PRDM10: variants seen among roughly 807,000 people sequenced by gnomAD.
PRDM10 encodes PR domain zinc finger protein 10.
Under a neutral mutation model 133.1 loss-of-function variants are expected in PRDM10, and 65 were observed. The ratio of observed to expected loss-of-function variants is 0.49; its 90% CI spans 0.40 to 0.60. PRDM10 has a LOEUF of 0.60. Ranked by LOEUF, PRDM10 falls within the 20% of genes least tolerant of loss-of-function variation. The pLI, the probability that PRDM10 is intolerant of heterozygous loss-of-function variation, is 0.00. For synonymous variants in PRDM10, 582 were observed against 580.4 expected (o/e 1.00, Z -0.04); for missense variants, 1,137 against 1,507.1 (o/e 0.75, Z 4.07).
intron 20 of PRDM10, 140 bp downstream of exon 20, chr11:129,905,498 C>T: frequency 1.4e-6 from 1 of 705,552 alleles, no homozygotes; most frequent in Non-Finnish European, 2.5e-6. Context: ...TGATAATGCC[C>T]AAGACCTAGC....
At chr11:129,948,480 T>C (rs1951491821) in intron 4 of PRDM10, among the ~76,000 whole-genome samples, 1 of 152,210 alleles carries the variant, frequency 6.6e-6, no homozygotes, top group South Asian at 2.1e-4. Context: ...TCCTCTGCTC[T>C]GAACTCCTGC....
intron 9 of PRDM10, among the ~76,000 whole-genome samples, chr11:129,933,822 C>T (rs150750308): frequency 1.3e-3 from 195 of 152,236 alleles, no homozygotes; most frequent in East Asian, 7.5e-3. Flanking sequence ...AGACATTTAC[C>T]CCTGTGGTCA....
chr11:129,948,395 C>T (rs1951489283), intron 4 of PRDM10, among the ~76,000 whole-genome samples: 1 of 152,194 alleles, frequency 6.6e-6, no homozygotes, highest in African/African-American at 2.4e-5. Flanking sequence ...ACTCTTTCCT[C>T]AGCCACCTTC....
Position 129,918,726 on chromosome 11 carries a change from G to A in PRDM10, c.2035-8C>T, listed in dbSNP as rs1403148360. The A allele has an allele frequency of 8.1e-6, 13 of 1,600,058 alleles. No individual in the cohort carries two copies. In the East Asian group the frequency reaches 2.7e-4, roughly 33 times the overall value. On this transcript the variant is annotated splice_polypyrimidine_tract_variant and splice_region_variant and intron_variant, in intron 13 of 20. Transcript: ENST00000360871. This position sits in a 1 kb window ranked among gnomAD's most constrained non-coding sequence, Gnocchi z 5.3. ...CCGTAGTTTGTCTTTTCGCTATTTG[G>A]AGAGTATTTTTGAAAACGGGGTAGA...
chr11:129,998,855 TCTGGTTGCCCAGG>T (rs1454372982), intron 1 of PRDM10, among the ~76,000 whole-genome samples: 2 of 147,294 alleles, frequency 1.4e-5, no homozygotes, highest in Non-Finnish European at 3.0e-5. Flanking sequence ...AGGGTCTCAC[TCTGGTTGCCCAGG>T]CTGGAGTGCA....
chr11:129,989,777 G>C (rs759029725), intron 1 of PRDM10, among the ~76,000 whole-genome samples: 2 of 152,126 alleles, frequency 1.3e-5, no homozygotes, highest in African/African-American at 2.4e-5. Context: ...AATCATTCTA[G>C]AGCATAATTT....
rs181853630 is a variant in PRDM10 at position 129,948,267 on chromosome 11, C to T, written c.295-897G>A. Among the ~76,000 whole-genome samples the T allele has an allele frequency of 1.4e-3, 216 of 152,278 alleles. 1 individual carries two copies. The highest frequency in any genetic ancestry group is 2.0e-3 in the Non-Finnish European group (139 of 68,020). On this transcript the variant is annotated intron_variant, in intron 4 of 20. Coordinates refer to ENST00000360871, the MANE Select transcript of PRDM10 (RefSeq NM_199437.2). ...TAGAATCCCTTTATGCAATCTTGCT[C>T]CTCCTGCCCAATTAGCACAAGGTCA...
At chr11:129,965,083 A>ATCAGCCTGAGG (rs1366717451) in intron 1 of PRDM10, among the ~76,000 whole-genome samples, 2 of 152,184 alleles carry the variant, frequency 1.3e-5, no homozygotes, top group East Asian at 1.9e-4. Flanking sequence ...CAGCGGGCAG[A>ATCAGCCTGAGG]TCAGCCTGAG....
chr11:129,956,683 T>C (rs1193614770), intron 3 of PRDM10, among the ~76,000 whole-genome samples: 1 of 152,252 alleles, frequency 6.6e-6, no homozygotes, highest in Non-Finnish European at 1.5e-5. Flanking sequence ...CTTATTTTAA[T>C]ATAGGCAGGG....
chr11:129,966,071 C>G (rs992226779), intron 1 of PRDM10, among the ~76,000 whole-genome samples: 3 of 151,982 alleles, frequency 2.0e-5, no homozygotes, highest in African/African-American at 7.3e-5. Flanking sequence ...TGGTGAAACC[C>G]CATCTCTACT....
chr11:129,957,410 C>T (rs1479832062), intron 3 of PRDM10, among the ~76,000 whole-genome samples: 5 of 152,116 alleles, frequency 3.3e-5, no homozygotes, highest in African/African-American at 1.2e-4. Context: ...CCTCCGCCTC[C>T]CAGGTTCAAG....
chr11:129,997,442 C>T (rs539316163), intron 1 of PRDM10, among the ~76,000 whole-genome samples: 5 of 152,192 alleles, frequency 3.3e-5, no homozygotes, highest in Admixed American at 6.5e-5. Context: ...ATGGTGCCCC[C>T]GCATTCCTGC....
At chr11:129,975,810 G>A (rs1937725489) in intron 1 of PRDM10, among the ~76,000 whole-genome samples, 1 of 152,202 alleles carries the variant, frequency 6.6e-6, no homozygotes, top group African/African-American at 2.4e-5. Context: ...GAACAGGGTG[G>A]CTGCACCAAG....
intron 2 of PRDM10, among the ~76,000 whole-genome samples, chr11:129,958,509 T>TG (rs1009671127): frequency 1.3e-5 from 2 of 151,796 alleles, no homozygotes; most frequent in African/African-American, 2.4e-5. Context: ...CTGGGCATGG[T>TG]GGGGGGCGCC....
intron 1 of PRDM10, among the ~76,000 whole-genome samples, chr11:129,978,128 A>G (rs1937891500): frequency 6.6e-6 from 1 of 152,174 alleles, no homozygotes; most frequent in Non-Finnish European, 1.5e-5. Context: ...ATTTCTACAT[A>G]AACAGAGAGG....
intron 2 of PRDM10, among the ~76,000 whole-genome samples, chr11:129,959,947 G>A (rs1368409825): frequency 1.4e-5 from 2 of 146,526 alleles, no homozygotes; most frequent in African/African-American, 2.5e-5. Context: ...TTTTGGTAGA[G>A]TCAGGGCCTC....
intron 1 of PRDM10, among the ~76,000 whole-genome samples, chr11:129,975,425 CAA>C (rs879751419): frequency 1.4e-5 from 2 of 138,332 alleles, no homozygotes; most frequent in Admixed American, 7.2e-5. Context: ...ATCTCCATCT[CAA>C]AAAAAAAAAA....
At chr11:129,905,363 G>GAAT (rs1949981219) in intron 20 of PRDM10, among the ~76,000 whole-genome samples, 5 of 69,442 alleles carry the variant, frequency 7.2e-5, no homozygotes, top group Non-Finnish European at 1.4e-4. Flanking sequence ...CTCTGTCTCA[G>GAAT]AAAAAAAAAA....
chr11:129,982,414 C>T (rs993317798), intron 1 of PRDM10, among the ~76,000 whole-genome samples: 34 of 151,904 alleles, frequency 2.2e-4, no homozygotes, highest in African/African-American at 8.2e-4. Flanking sequence ...AGGTGCCCAC[C>T]ACCTCGCCTA....
Sources: gnomAD v4.1 joint callset for allele counts (sites outside exome capture counted in the v4.1 genomes callset) on GRCh38, gnomAD v4.1.1 for gene constraint, Gnocchi (gnomAD v3.1) non-coding constraint, MANE v1.5 for transcripts, NCBI Gene and HGNC (gene_info 2026-07-23, HGNC 2026-07-21) for gene names.